MANSC1: variants seen among roughly 807,000 people sequenced by gnomAD.
MANSC1 encodes MANSC domain containing 1, also known as MANSC domain-containing protein 1.
In MANSC1, 13 loss-of-function variants were observed where a neutral mutation model predicts 14.1. That is an observed-to-expected ratio of 0.92 (90% confidence interval 0.60 to 1.46). MANSC1 has a LOEUF of 1.46. Ranked by LOEUF, MANSC1 falls within the 40% of genes most tolerant of loss-of-function variation. The pLI is 0.00. For missense variants in MANSC1, 486 were observed against 511.4 expected, an observed-to-expected ratio of 0.95 and a Z score of 0.48; for synonymous variants, 227 against 200.7, an observed-to-expected ratio of 1.13 and a Z score of -1.11.
chr12:12,340,010 C>A (rs138303880), intron 2 of MANSC1, among the ~76,000 whole-genome samples: 23 of 152,204 alleles, frequency 1.5e-4, no homozygotes, highest in African/African-American at 3.1e-4. Flanking sequence ...CGGGGTCTCA[C>A]TATGTTGCCT....
chr12:12,328,984 T>TCACA lies in MANSC1; in HGVS notation c.*1039_*1042dup, dbSNP rs35684053. On this transcript the variant is annotated 3_prime_UTR_variant, in exon 4 of 4. Coordinates refer to ENST00000535902, the MANE Select transcript of MANSC1 (RefSeq NM_018050.4). ...GCCTGGGTGACAGAGCAAGACTCTGTCACACACACACACACACACACACAC... is the reference window on the plus strand; with the variant it reads ...GCCTGGGTGACAGAGCAAGACTCTGTCACACACACACACACACACACACACACAC... 29,145 of 131,388 alleles carry TCACA rather than the reference T, an allele frequency of 0.22. 3,648 individuals carry two copies. Among genetic ancestry groups the TCACA allele is most frequent in the Admixed American group, 0.28 (3,549 of 12,808 alleles). The allele number at this position is 131,388 out of a possible 1,614,324, so 8.1% of individuals were successfully genotyped here. A position where few individuals can be genotyped will look rare whatever the true frequency, so the allele number is the denominator to read the frequency against.
rs1258377397 is a variant in MANSC1 at position 12,330,551 on chromosome 12, C to T, written c.772G>A (p.Gly258Arg). ...LPTNASVTPSGTSQPQLATTA... is the reference protein window; with the variant it reads ...LPTNASVTPSRTSQPQLATTA... ...GTGGCCAGCTGTGGCTGGGAAGTCC[C>T]AGAAGGTGTCACTGAAGCATTGGTG... Residue 258 changes from glycine (G) to arginine (R), a missense_variant, in exon 4 of 4, where the codon GGG becomes AGG. Transcript: ENST00000535902. The T allele has an allele frequency of 6.2e-7, 1 of 1,614,146 alleles. No homozygotes were observed. The highest frequency in any genetic ancestry group is 8.5e-7 in the Non-Finnish European group (1 of 1,180,036).
chr12:12,344,917 A>ATATATG (rs1862987339), intron 1 of MANSC1, among the ~76,000 whole-genome samples: 2 of 4,856 alleles, frequency 4.1e-4, no homozygotes, highest in African/African-American at 7.2e-4. Flanking sequence ...ATAAACTCCC[A>ATATATG]TATATATATA....
chr12:12,334,677 G>A (rs1466818907), intron 3 of MANSC1, among the ~76,000 whole-genome samples: 2 of 152,026 alleles, frequency 1.3e-5, no homozygotes, highest in African/African-American at 4.8e-5. Context: ...CCTTTTTTCC[G>A]TTCCCATTGG....
intron 2 of MANSC1, among the ~76,000 whole-genome samples, chr12:12,341,082 A>C (rs1862926653): frequency 6.6e-6 from 1 of 152,078 alleles, no homozygotes; most frequent in South Asian, 2.1e-4. Flanking sequence ...TGGGCTCGGT[A>C]TCACAAGACT....
chr12:12,338,503 T>G lies in MANSC1; in HGVS notation c.281A>C (p.Asn94Thr). The part of the protein sequence containing the change: ...FDTRKTARQP[N>T]CYLFFCPNEE... ...GTTGGGACAGAAAAATAGGTAGCAGTTGGGTTGTCTAGCTGTTTTTCGAGT... is the reference window on the plus strand; with the variant it reads ...GTTGGGACAGAAAAATAGGTAGCAGGTGGGTTGTCTAGCTGTTTTTCGAGT... The change falls in exon 3 of 4, where the codon AAC becomes ACC. Residue 94 changes from asparagine (N) to threonine (T), a missense_variant. Physicochemically the swap from Asn to Thr is moderately conservative, Grantham distance 65. Coordinates refer to ENST00000535902, the MANE Select transcript of MANSC1 (RefSeq NM_018050.4). 6.2e-7 allele frequency: 1 copy of G among 1,613,604 alleles called. No individual in the cohort carries two copies. Among genetic ancestry groups the G allele is most frequent in the Non-Finnish European group, 8.5e-7 (1 of 1,179,824 alleles).
At chr12:12,336,555 C>G (rs1490591669) in intron 3 of MANSC1, among the ~76,000 whole-genome samples, 1 of 151,850 alleles carries the variant, frequency 6.6e-6, no homozygotes, top group Non-Finnish European at 1.5e-5. Flanking sequence ...GAGATAGTAT[C>G]TCACTTTGTC....
At chr12:12,345,694 G>A (rs191703505) in intron 1 of MANSC1, among the ~76,000 whole-genome samples, 1 of 152,268 alleles carries the variant, frequency 6.6e-6, no homozygotes, top group African/African-American at 2.4e-5. Context: ...AATACAAATT[G>A]TTTGCTGAAT....
At chr12:12,349,411 C>A (rs906656963) in intron 1 of MANSC1, among the ~76,000 whole-genome samples, 1 of 152,152 alleles carries the variant, frequency 6.6e-6, no homozygotes, top group African/African-American at 2.4e-5. Context: ...CAGTATGCAG[C>A]ATTGAGAGAA....
At chr12:12,333,267 G>T (rs1178451577) in intron 3 of MANSC1, among the ~76,000 whole-genome samples, 1 of 151,650 alleles carries the variant, frequency 6.6e-6, no homozygotes, top group East Asian at 1.9e-4. Context: ...GGCTGGTCTT[G>T]AACTCCTGGA....
chr12:12,348,971 T>G (rs1390185591), intron 1 of MANSC1, among the ~76,000 whole-genome samples: 1 of 152,220 alleles, frequency 6.6e-6, no homozygotes, highest in Non-Finnish European at 1.5e-5. Context: ...ATTAACCTAT[T>G]AAGTAACAAG....
At chr12:12,342,787 T>C (rs551819341) in intron 2 of MANSC1, among the ~76,000 whole-genome samples, 2 of 152,290 alleles carry the variant, frequency 1.3e-5, no homozygotes, top group African/African-American at 4.8e-5. Flanking sequence ...TCCATGCTGA[T>C]GGCAGCTAAC....
At chr12:12,343,779 A>G (rs571072566) in intron 1 of MANSC1, among the ~76,000 whole-genome samples, 4 of 152,214 alleles carry the variant, frequency 2.6e-5, no homozygotes, top group Non-Finnish European at 5.9e-5. Context: ...AGGTTTGAGC[A>G]TATTTCCTTT....
In MANSC1 at chr12:12,340,637, T is replaced by C. The variant is rs565057380; in HGVS notation, c.224-2077A>G. 2.6e-4 allele frequency among the ~76,000 whole-genome samples: 40 copies of C among 152,234 alleles called. No individual in the cohort carries two copies. The South Asian group carries it at 4.4e-3, about 17-fold the overall frequency. On this transcript the variant is annotated intron_variant, in intron 2 of 3. Transcript: ENST00000535902. ...ACCATTTCTCAGGAAGTGAGGAAAA[T>C]GTTTGAGATCCATTAACTGAGGTTC...
rs760933607 is a variant in MANSC1 at position 12,343,349 on chromosome 12, CA to C, written c.-36del. Reference sequence around the variant, plus strand: ...CAGTTTAGTTTTGGTCTTCAAAGGTCAAGGATAATCCTCCCTCTGGTCTTAG... The same window carrying C: ...CAGTTTAGTTTTGGTCTTCAAAGGTCAGGATAATCCTCCCTCTGGTCTTAG... On this transcript the variant is annotated 5_prime_UTR_variant, in exon 2 of 4. Coordinates refer to ENST00000535902, the MANE Select transcript of MANSC1 (RefSeq NM_018050.4). 6.1e-5 allele frequency: 89 copies of C among 1,464,228 alleles called. No homozygotes were observed. Among genetic ancestry groups the C allele is most frequent in the Non-Finnish European group, 8.1e-5 (85 of 1,045,852 alleles). The allele number at this position is 1,464,228 out of a possible 1,614,324, so 90.7% of individuals were successfully genotyped here.
At position 12,350,123 on chromosome 12, in the gene MANSC1, A is replaced by C. The variant is rs537587819; in HGVS notation, c.-146T>G. On this transcript the variant is annotated 5_prime_UTR_variant, in exon 1 of 4. Transcript: ENST00000535902. ...GCGCCCCTGCTGCCATCCAGGTGCG[A>C]GGACAGCTCTGTCGCGCCCGCGGGA... 6.8e-4 allele frequency: 104 copies of C among 152,398 alleles called. No individual in the cohort carries two copies. Among genetic ancestry groups the C allele is most frequent in the African/African-American group, 2.4e-3 (99 of 41,564 alleles). 9.4% of individuals were successfully genotyped at this position (152,398 alleles called of 1,614,324 possible).
At chr12:12,347,493 G>T (rs1258798577) in intron 1 of MANSC1, among the ~76,000 whole-genome samples, 2 of 152,164 alleles carry the variant, frequency 1.3e-5, no homozygotes, top group African/African-American at 4.8e-5. Flanking sequence ...ACTGGTCTGC[G>T]GCCCAGGGGT....
At chr12:12,344,981 G>T in intron 1 of MANSC1, among the ~76,000 whole-genome samples, 1 of 99,010 alleles carries the variant, frequency 1.0e-5, no homozygotes, top group Admixed American at 1.4e-4. Context: ...CACTAGTTCT[G>T]TCCTTCTAGA....
intron 3 of MANSC1, among the ~76,000 whole-genome samples, chr12:12,333,786 CTA>C (rs1374368998): frequency 6.6e-6 from 1 of 152,330 alleles, no homozygotes. Flanking sequence ...CCAATTTATT[CTA>C]TGTCTGAATT....
Sources: gnomAD v4.1 joint callset for allele counts (sites outside exome capture counted in the v4.1 genomes callset) on GRCh38, gnomAD v4.1.1 for gene constraint, MANE v1.5 for transcripts, NCBI Gene and HGNC (gene_info 2026-07-23, HGNC 2026-07-21) for gene names.